Variants in SDCCAG8 observed in about 807,000 individuals in gnomAD.
SDCCAG8 encodes the protein SHH signaling and ciliogenesis regulator SDCCAG8, also known as serologically defined colon cancer antigen 8.
SDCCAG8 carries 74 observed loss-of-function variants against 101.8 expected under a neutral mutation model. The ratio of observed to expected loss-of-function variants is 0.73; its 90% CI spans 0.60 to 0.88. The LOEUF is 0.88. Ranked by LOEUF, SDCCAG8 falls within the 40% of genes least tolerant of loss-of-function variation. SDCCAG8 has a pLI of 0.00. For synonymous variants in SDCCAG8, 281 were observed against 292.9 expected (o/e 0.96, Z 0.41); for missense variants, 787 against 822.6 (o/e 0.96, Z 0.53).
At chr1:243,324,500 T>C (rs1353432598) in intron 9 of SDCCAG8, among the ~76,000 whole-genome samples, 5 of 138,110 alleles carry the variant, frequency 3.6e-5, no homozygotes, top group Non-Finnish European at 7.6e-5. Flanking sequence ...GGCCTCACTC[T>C]GTCACCCAGG....
chr1:243,325,149 T>C (rs2074057049), intron 9 of SDCCAG8, among the ~76,000 whole-genome samples: 1 of 152,232 alleles, frequency 6.6e-6, no homozygotes, highest in South Asian at 2.1e-4. Context: ...ATTTCACACA[T>C]GACCATTTAC....
intron 10 of SDCCAG8, among the ~76,000 whole-genome samples, chr1:243,338,049 T>A (rs2075132344): frequency 6.6e-6 from 1 of 151,800 alleles, no homozygotes; most frequent in Admixed American, 6.6e-5. Flanking sequence ...GCCTCCTAAG[T>A]AGCTAGGACT....
intron 16 of SDCCAG8, among the ~76,000 whole-genome samples, chr1:243,457,560 C>A (rs528415479): frequency 1.3e-5 from 2 of 152,092 alleles, no homozygotes; most frequent in Non-Finnish European, 2.9e-5. Flanking sequence ...TTGTCAAATG[C>A]GGTGTATTTA....
At chr1:243,480,452 T>G (rs1574297605) in intron 16 of SDCCAG8, among the ~76,000 whole-genome samples, 1 of 40,166 alleles carries the variant, frequency 2.5e-5, no homozygotes, top group Non-Finnish European at 4.6e-5. Flanking sequence ...GATGGATGAA[T>G]GGGGGATGGA....
chr1:243,364,658 G>A (rs1012800267), intron 12 of SDCCAG8, among the ~76,000 whole-genome samples: 7 of 152,074 alleles, frequency 4.6e-5, no homozygotes, highest in Non-Finnish European at 7.4e-5. Flanking sequence ...TTCATTTAGC[G>A]AAAAATTAAA....
At position 243,489,159 on chromosome 1, in the gene SDCCAG8, C is replaced by T. The variant is rs1470993701; in HGVS notation, c.2112+19C>T. 6 of 1,610,430 alleles carry T rather than the reference C, an allele frequency of 3.7e-6. No individual in the cohort carries two copies. Among genetic ancestry groups the T allele is most frequent in the Admixed American group, 3.3e-5 (2 of 59,842 alleles). On this transcript the variant is annotated intron_variant, in intron 17 of 17. Coordinates refer to ENST00000366541, the MANE Select transcript of SDCCAG8 (RefSeq NM_006642.5). ...GACCCAGGTACTGTGCAGAACGCGG[C>T]GCAGGTGGGAGTCCTTGGGCGGGCG...
At chr1:243,360,674 T>C (rs534106850) in intron 12 of SDCCAG8, among the ~76,000 whole-genome samples, 36 of 152,000 alleles carry the variant, frequency 2.4e-4, no homozygotes, top group African/African-American at 8.4e-4. Context: ...ATATAAAAAT[T>C]AGCCAGGCAC....
chr1:243,471,465 C>G (rs1035557751), intron 16 of SDCCAG8, among the ~76,000 whole-genome samples: 2 of 152,200 alleles, frequency 1.3e-5, no homozygotes, highest in Non-Finnish European at 2.9e-5. Context: ...GAACTCTACT[C>G]TGTCCCTAAT....
At chr1:243,442,620 A>T (rs2148100039) in intron 16 of SDCCAG8, among the ~76,000 whole-genome samples, 1 of 152,268 alleles carries the variant, frequency 6.6e-6, no homozygotes, top group Non-Finnish European at 1.5e-5. Context: ...CATTAAAAAA[A>T]AAAAAGTATA....
intron 16 of SDCCAG8, among the ~76,000 whole-genome samples, chr1:243,466,246 C>T (rs1660122543): frequency 6.6e-6 from 1 of 152,168 alleles, no homozygotes; most frequent in African/African-American, 2.4e-5. Flanking sequence ...TATATGTGAT[C>T]TTCTAACAAC....
intron 13 of SDCCAG8, among the ~76,000 whole-genome samples, chr1:243,381,155 C>T (rs1213641757): frequency 1.3e-5 from 2 of 151,992 alleles, no homozygotes; most frequent in African/African-American, 2.4e-5. Flanking sequence ...ATATGAAAAC[C>T]GTGTTTAAAG....
At chr1:243,274,723 A>G (rs2068387829) in intron 4 of SDCCAG8, 67 bp downstream of exon 4, 1 of 959,942 alleles carries the variant, frequency 1.0e-6, no homozygotes, top group African/African-American at 1.6e-5. Context: ...GATTGTATTA[A>G]AATTTGCTGC....
intron 4 of SDCCAG8, 62 bp from the exon 5 acceptor site, chr1:243,286,210 A>G: frequency 6.6e-7 from 1 of 1,526,646 alleles, no homozygotes; most frequent in Non-Finnish European, 9.1e-7. Context: ...GTGCCCTCTA[A>G]TAATCAACAA....
chr1:243,401,896 C>A (rs868434605), intron 13 of SDCCAG8, among the ~76,000 whole-genome samples: 2 of 152,228 alleles, frequency 1.3e-5, no homozygotes, highest in Admixed American at 6.5e-5. Flanking sequence ...TAAAAAAGGT[C>A]ATTTTAATAG....
chr1:243,353,898 A>G (rs1156553815), intron 12 of SDCCAG8, among the ~76,000 whole-genome samples: 1 of 152,242 alleles, frequency 6.6e-6, no homozygotes, highest in Admixed American at 6.5e-5. Flanking sequence ...CAAATTTCAG[A>G]TAACATAAAT....
At chr1:243,341,295 A>G (rs929174336) in intron 11 of SDCCAG8, 122 bp downstream of exon 11, 2 of 1,073,950 alleles carry the variant, frequency 1.9e-6, no homozygotes, top group Non-Finnish European at 2.7e-6. Context: ...AAGTTTTGTG[A>G]TTTCAAGAAT....
chr1:243,439,261 C>A (rs1166848186), intron 16 of SDCCAG8, among the ~76,000 whole-genome samples: 6 of 152,078 alleles, frequency 3.9e-5, no homozygotes, highest in Admixed American at 3.9e-4. Flanking sequence ...TTAAGTGATC[C>A]TCCCACCTCA....
rs1200702717 is a variant in SDCCAG8, at chr1:243,316,809, T to C, written c.984T>C (p.Asp328=). Residue 328 remains aspartate (D), a synonymous_variant, in exon 9 of 18, where the codon GAT becomes GAC. Transcript: ENST00000366541. ...ALVSVRSSLA[D]TQQREASAYE... ...TTTCCGTAAGGAGCAGCTTGGCAGA[T>C]ACGCAGCAAAGAGAAGCAAGTGCTT... 1 of 1,614,050 alleles carries C rather than the reference T, an allele frequency of 6.2e-7. No individual in the cohort carries two copies. The highest frequency in any genetic ancestry group is 1.3e-5 in the African/African-American group (1 of 74,926).
chr1:243,262,076 C>G (rs2067235299), intron 1 of SDCCAG8, among the ~76,000 whole-genome samples: 1 of 151,134 alleles, frequency 6.6e-6, no homozygotes, highest in Non-Finnish European at 1.5e-5. Context: ...TCCCAAAGTG[C>G]TGGGATTACA....
Sources: gnomAD v4.1 joint callset for allele counts (sites outside exome capture counted in the v4.1 genomes callset) on GRCh38, gnomAD v4.1.1 for gene constraint, MANE v1.5 for transcripts, NCBI Gene and HGNC (gene_info 2026-07-23, HGNC 2026-07-21) for gene names.